MTPN: variants seen among roughly 807,000 people sequenced by gnomAD.
The protein encoded by MTPN is granule cell differentiation protein.
In MTPN, 2 loss-of-function variants were observed where a neutral mutation model predicts 13.5. That is an observed-to-expected ratio of 0.15 (90% CI 0.06 to 0.47). The LOEUF (loss-of-function observed/expected upper bound fraction) is 0.47, where lower values mean the gene tolerates loss of function less well. Ranked by LOEUF, MTPN falls within the 20% of genes least tolerant of loss-of-function variation. The probability of loss-of-function intolerance (pLI) is 0.97; values close to 1 mark genes in which losing one functional copy is unlikely to be tolerated. For synonymous variants in MTPN, 46 were observed against 51.7 expected, an observed-to-expected ratio of 0.89 and a Z score of 0.48; for missense variants, 79 against 137.9, an observed-to-expected ratio of 0.57 and a Z score of 2.14.
At chr7:135,960,948 A>G (rs1799512645) in intron 1 of MTPN, 1 of 152,090 alleles carries the variant, frequency 6.6e-6, no homozygotes, top group Admixed American at 6.6e-5. Context: ...CACACAGTAA[A>G]CAAACTGAGG....
Position 135,976,983 on chromosome 7 carries a change from C to T in MTPN, c.72+46G>A, listed in dbSNP as rs753399803. On this transcript the variant is annotated intron_variant, in intron 1 of 3. Coordinates refer to ENST00000393085, the MANE Select transcript of MTPN (RefSeq NM_145808.4). The stretch of plus-strand genomic sequence containing the variant: ...CCCATCAGCTTCCTCAGCCTCATCT[C>T]CAGCCCACCTCCGTGTTCTCGCCTA... 4.5e-6 allele frequency: 6 copies of T among 1,340,474 alleles called. No homozygotes were observed. In the East Asian group the frequency reaches 1.6e-4, roughly 35 times the overall value. The allele number at this position is 1,340,474 out of a possible 1,614,324, so 83.0% of individuals were successfully genotyped here.
chr7:135,933,795 A>G (rs992496636), intron 3 of MTPN, among the ~76,000 whole-genome samples: 6 of 152,184 alleles, frequency 3.9e-5, no homozygotes, highest in Non-Finnish European at 8.8e-5. Flanking sequence ...TCTCAAGTCA[A>G]ACTATAATTC....
rs1367635706 is a variant in MTPN, at chr7:135,929,118, CCCTTTTACTA to C, written c.*798_*807del. On this transcript the variant is annotated 3_prime_UTR_variant, in exon 4 of 4. Coordinates refer to ENST00000393085, the MANE Select transcript of MTPN (RefSeq NM_145808.4). ...ATGGCTATGATTCTATTTTTAAATC[CCCTTTTACTA>C]CCAGCAGGAGTTTGAAAGTGTTTCA... The C allele has an allele frequency of 6.0e-6, 1 of 166,866 alleles. No homozygotes were observed. Among genetic ancestry groups the C allele is most frequent in the Admixed American group, 6.5e-5 (1 of 15,278 alleles). 10.3% of individuals were successfully genotyped at this position (166,866 alleles called of 1,614,324 possible). A position where few individuals can be genotyped will look rare whatever the true frequency, so the allele number is the denominator to read the frequency against.
chr7:135,931,961 CT>C (rs1799028131), intron 3 of MTPN, among the ~76,000 whole-genome samples: 1 of 152,040 alleles, frequency 6.6e-6, no homozygotes, highest in African/African-American at 2.4e-5. Context: ...CATTCTAATT[CT>C]GCTCTTTTAC....
chr7:135,963,101 A>G (rs1191976567), intron 1 of MTPN, among the ~76,000 whole-genome samples: 1 of 151,704 alleles, frequency 6.6e-6, no homozygotes, highest in Non-Finnish European at 1.5e-5. Context: ...AGTAGAAAGC[A>G]GCAAAAGTAT....
chr7:135,939,996 T>A (rs142135095), intron 3 of MTPN, among the ~76,000 whole-genome samples: 188 of 152,310 alleles, frequency 1.2e-3, no homozygotes, highest in African/African-American at 4.0e-3. Flanking sequence ...AAAAATACTA[T>A]CTTGTCTAAG....
At chr7:135,973,784 T>G (rs923362346) in intron 1 of MTPN, among the ~76,000 whole-genome samples, 1 of 152,208 alleles carries the variant, frequency 6.6e-6, no homozygotes, top group Non-Finnish European at 1.5e-5. Context: ...ATGAATTTTT[T>G]TTCACGCAGG....
intron 3 of MTPN, among the ~76,000 whole-genome samples, chr7:135,944,237 A>G (rs988685450): frequency 7.2e-5 from 11 of 152,216 alleles, no homozygotes. Flanking sequence ...TTATTTAGAA[A>G]TAGTATTCCT....
At chr7:135,962,924 T>A (rs1184933181) in intron 1 of MTPN, among the ~76,000 whole-genome samples, 1 of 152,064 alleles carries the variant, frequency 6.6e-6, no homozygotes. Flanking sequence ...TTGTTTGATC[T>A]GTAAGATATG....
Position 135,928,382 on chromosome 7 carries a change from T to C in MTPN, c.*1544A>G, listed in dbSNP as rs186259397. On this transcript the variant is annotated 3_prime_UTR_variant, in exon 4 of 4. Transcript: ENST00000393085. ...AGCAACTGATCAGTAAAACTTGTTA[T>C]TAACCAGGGTGACTGTTCTTGATAA... The C allele has an allele frequency of 4.8e-5, 8 of 167,182 alleles. No individual in the cohort carries two copies. Among genetic ancestry groups the C allele is most frequent in the Admixed American group, 2.6e-4 (4 of 15,288 alleles). The allele number at this position is 167,182 out of a possible 1,614,324, so 10.4% of individuals were successfully genotyped here. A position where few individuals can be genotyped will look rare whatever the true frequency, so the allele number is the denominator to read the frequency against.
chr7:135,968,982 A>G (rs1225235971), intron 1 of MTPN, among the ~76,000 whole-genome samples: 1 of 151,282 alleles, frequency 6.6e-6, no homozygotes, highest in Non-Finnish European at 1.5e-5. Flanking sequence ...AATTATTAGT[A>G]AAGAGGAACT....
At chr7:135,971,896 G>A (rs1323633100) in intron 1 of MTPN, among the ~76,000 whole-genome samples, 2 of 152,078 alleles carry the variant, frequency 1.3e-5, no homozygotes, top group African/African-American at 2.4e-5. Flanking sequence ...AAATTATAAG[G>A]TTAGATTATA....
Position 135,963,325 on chromosome 7 carries a change from T to C in MTPN, c.73-11695A>G, listed in dbSNP as rs536375404. ...CCTCCTCCCTACCCAATCCCCCAGG[T>C]TGAAAGTCCTTATTTAGGATATAAC... On this transcript the variant is annotated intron_variant, in intron 1 of 3. Coordinates refer to ENST00000393085, the MANE Select transcript of MTPN (RefSeq NM_145808.4). 8.6e-5 allele frequency among the ~76,000 whole-genome samples: 13 copies of C among 152,044 alleles called. No individual in the cohort carries two copies. The Middle Eastern group carries it at 0.01, about 119-fold the overall frequency.
intron 1 of MTPN, among the ~76,000 whole-genome samples, chr7:135,972,207 ACACGCGCACACGCG>A (rs140222950): frequency 0.14 from 16,618 of 118,404 alleles, 1,155 homozygotes; most frequent in East Asian, 0.24. Context: ...TTATAAATAC[ACACGCGCACACGCG>A]CACGCGCGCG....
Position 135,967,820 on chromosome 7 carries a change from C to T in MTPN, c.72+9209G>A, listed in dbSNP as rs141642423. On this transcript the variant is annotated intron_variant, in intron 1 of 3. Transcript: ENST00000393085. ...CAAAGTGTCTAGTTAGTAAGAAGGC[C>T]AGACCTGGAAGATCTAATTCCAAAG... 2.0e-5 allele frequency among the ~76,000 whole-genome samples: 3 copies of T among 152,284 alleles called. No individual in the cohort carries two copies. In the East Asian group the frequency reaches 5.8e-4, roughly 29 times the overall value.
intron 3 of MTPN, among the ~76,000 whole-genome samples, chr7:135,949,664 A>T (rs1408003048): frequency 6.6e-6 from 1 of 152,196 alleles, no homozygotes; most frequent in Non-Finnish European, 1.5e-5. Context: ...TTAAGAGATA[A>T]ATGTGCTATC....
chr7:135,954,280 C>T (rs1799407235), intron 1 of MTPN, among the ~76,000 whole-genome samples: 1 of 152,080 alleles, frequency 6.6e-6, no homozygotes, highest in Non-Finnish European at 1.5e-5. Context: ...CTGGTACTGG[C>T]TTATACTAGA....
At chr7:135,941,932 G>A (rs1221054825) in intron 3 of MTPN, among the ~76,000 whole-genome samples, 1 of 147,092 alleles carries the variant, frequency 6.8e-6, no homozygotes, top group Non-Finnish European at 1.5e-5. Flanking sequence ...TGCCCAGGCT[G>A]GAGTGCAATG....
chr7:135,963,492 T>G (rs754431621), intron 1 of MTPN, among the ~76,000 whole-genome samples: 4 of 152,022 alleles, frequency 2.6e-5, no homozygotes, highest in Non-Finnish European at 5.9e-5. Flanking sequence ...AGAAAGGTGA[T>G]AATACATTAA....
Sources: allele counts gnomAD v4.1 joint callset (sites outside exome capture counted in the v4.1 genomes callset), GRCh38; gene constraint gnomAD v4.1.1; transcripts MANE v1.5; gene names NCBI Gene and HGNC (gene_info 2026-07-23, HGNC 2026-07-21).